Variants in DEPDC5 observed in about 807,000 individuals in gnomAD.
DEPDC5 encodes the protein DEP domain containing 5, GATOR1 subcomplex subunit, also known as GATOR1 complex protein DEPDC5.
DEPDC5 carries 73 observed loss-of-function variants against 217.3 expected under a neutral mutation model. The ratio of observed to expected loss-of-function variants is 0.34; its 90% CI spans 0.28 to 0.41. The LOEUF (loss-of-function observed/expected upper bound fraction) is 0.41, where lower values mean the gene tolerates loss of function less well. DEPDC5 is among the 10% of genes least tolerant of loss of function. The probability of loss-of-function intolerance (pLI) is 1.00; values close to 1 mark genes in which losing one functional copy is unlikely to be tolerated. For missense variants in DEPDC5, 1,675 were observed against 2,070.1 expected (o/e 0.81, Z 3.70); for synonymous variants, 733 against 756.7 (o/e 0.97, Z 0.51).
intron 24 of DEPDC5, among the ~76,000 whole-genome samples, chr22:31,825,103 A>T (rs866315279): frequency 6.6e-6 from 1 of 152,054 alleles, no homozygotes; most frequent in South Asian, 2.1e-4. Context: ...AGTTGCGCCG[A>T]GGAGGGCTAC....
At chr22:31,770,149 G>C (rs1244319370) in intron 7 of DEPDC5, among the ~76,000 whole-genome samples, 3 of 151,154 alleles carry the variant, frequency 2.0e-5, no homozygotes, top group African/African-American at 7.3e-5. Context: ...TGGGAGGATC[G>C]CCTGAGCCCT....
At position 31,839,489 on chromosome 22, in the gene DEPDC5, T is replaced by A. The variant is rs146153441; in HGVS notation, c.2515+644T>A. Among the ~76,000 whole-genome samples the A allele has an allele frequency of 9.4e-3, 1,426 of 151,016 alleles. 22 individuals carry two copies. Among genetic ancestry groups the A allele is most frequent in the African/African-American group, 0.034 (1,373 of 40,890 alleles). On this transcript the variant is annotated intron_variant, in intron 27 of 42. Transcript: ENST00000651528. The stretch of plus-strand genomic sequence containing the variant: ...TGGAACAATCAATGAGCTGTCTTAG[T>A]CTCCTGTCTCTTCATTATTGCTAAC...
At chr22:31,838,878 C>G (rs1049004930) in intron 27 of DEPDC5, 33 bp downstream of exon 27, 2 of 1,602,358 alleles carry the variant, frequency 1.2e-6, no homozygotes, top group African/African-American at 2.7e-5. Flanking sequence ...CTATTTTTTT[C>G]TCTTCTACTG....
At chr22:31,797,060 C>CTTTTT (rs113613358) in intron 12 of DEPDC5, among the ~76,000 whole-genome samples, 1 of 129,174 alleles carries the variant, frequency 7.7e-6, no homozygotes, top group Admixed American at 7.8e-5. Context: ...CTCACTGAAT[C>CTTTTT]TTTTTTTTTT....
In DEPDC5 at chr22:31,754,815, A is replaced by G. The variant is rs1040211113; in HGVS notation, c.-60-47A>G. On this transcript the variant is annotated intron_variant, in intron 1 of 42. Coordinates refer to ENST00000651528, the MANE Select transcript of DEPDC5 (RefSeq NM_001242896.3). ...GGCCTAAAATCAAAGAGTGGTTGCAAGGAAAAATCTGACATTCCAACCTTT... is the reference window on the plus strand; with the variant it reads ...GGCCTAAAATCAAAGAGTGGTTGCAGGGAAAAATCTGACATTCCAACCTTT... 18 of 1,328,382 alleles carry G rather than the reference A, an allele frequency of 1.4e-5. No individual in the cohort carries two copies. The Admixed American group carries it at 3.3e-4, about 25-fold the overall frequency. 82.3% of individuals were successfully genotyped at this position (1,328,382 alleles called of 1,614,324 possible).
chr22:31,897,393 C>T (rs574571256), intron 39 of DEPDC5, 89 bp from the exon 40 acceptor site: 16 of 1,497,674 alleles, frequency 1.1e-5, no homozygotes, highest in South Asian at 2.6e-5. Context: ...TGCATGCTGC[C>T]TTTCTGGCGG....
chr22:31,794,358 T>A (rs1007355261), intron 12 of DEPDC5, among the ~76,000 whole-genome samples: 108 of 152,296 alleles, frequency 7.1e-4, no homozygotes, highest in African/African-American at 2.6e-3. Context: ...TATGCAGTTT[T>A]ATCTGTATAA....
intron 18 of DEPDC5, among the ~76,000 whole-genome samples, chr22:31,808,503 C>T (rs142890574): frequency 8.3e-4 from 126 of 152,058 alleles, no homozygotes; most frequent in Non-Finnish European, 1.3e-3. Context: ...GGCACAATCT[C>T]GGCTCACTGC....
Position 31,806,126 on chromosome 22 carries a change from T to C in DEPDC5, c.1222T>C (p.Tyr408His), listed in dbSNP as rs768204319. ...CTCTGTTTGTTTCTTTTACAGTTTC[T>C]ACACATCCAAAAGCCAGCTCTTTTG... ...NIPHWINHSF[Y>H]TSKSQLFCNS... The change falls in exon 18 of 43, where the codon TAC becomes CAC. Residue 408 changes from tyrosine (Y) to histidine (H), a missense_variant. Coordinates refer to ENST00000651528, the MANE Select transcript of DEPDC5 (RefSeq NM_001242896.3). The C allele has an allele frequency of 1.2e-6, 2 of 1,613,330 alleles. No homozygotes were observed. Among genetic ancestry groups the C allele is most frequent in the Non-Finnish European group, 1.7e-6 (2 of 1,179,508 alleles).
In DEPDC5 at chr22:31,777,995, G is replaced by A. The variant is rs573623310; in HGVS notation, c.414-104G>A. Reference sequence around the variant, plus strand: ...AGTCCTGACCTCAGGTAATTCGCCCGCCTTGGCTTCCCAAAGTGCTGGGAT... The same window carrying A: ...AGTCCTGACCTCAGGTAATTCGCCCACCTTGGCTTCCCAAAGTGCTGGGAT... On this transcript the variant is annotated intron_variant, in intron 7 of 42. Coordinates refer to ENST00000651528, the MANE Select transcript of DEPDC5 (RefSeq NM_001242896.3). The A allele has an allele frequency of 2.7e-5, 34 of 1,281,244 alleles. No homozygotes were observed. In the East Asian group the frequency reaches 5.5e-4, roughly 21 times the overall value. 79.4% of individuals were successfully genotyped at this position (1,281,244 alleles called of 1,614,324 possible).
At chr22:31,777,566 C>T (rs2084003760) in intron 7 of DEPDC5, among the ~76,000 whole-genome samples, 1 of 150,556 alleles carries the variant, frequency 6.6e-6, no homozygotes, top group Non-Finnish European at 1.5e-5. Context: ...GGCCAAGAAG[C>T]CCTTCTTTAG....
chr22:31,814,913 T>A, intron 20 of DEPDC5, 79 bp from the exon 21 acceptor site: 1 of 1,517,984 alleles, frequency 6.6e-7, no homozygotes, highest in Non-Finnish European at 9.1e-7. Flanking sequence ...TGGCTTGGGC[T>A]GGTGATGGGT....
chr22:31,905,198 T>C (rs1437625755), intron 41 of DEPDC5, among the ~76,000 whole-genome samples: 1 of 151,982 alleles, frequency 6.6e-6, no homozygotes, highest in African/African-American at 2.4e-5. Context: ...TTTTTTTCTT[T>C]TTGAGATGGA....
At chr22:31,889,416 T>C (rs1055242941) in intron 38 of DEPDC5, among the ~76,000 whole-genome samples, 1 of 152,208 alleles carries the variant, frequency 6.6e-6, no homozygotes, top group East Asian at 1.9e-4. Flanking sequence ...GAACTTAACA[T>C]GCCAGATGGG....
At chr22:31,805,658 G>A (rs9609372) in intron 17 of DEPDC5, among the ~76,000 whole-genome samples, 5 of 151,956 alleles carry the variant, frequency 3.3e-5, no homozygotes, top group Non-Finnish European at 2.9e-5. Context: ...CTGCCGCCAC[G>A]CCCGGCTAAT....
intron 38 of DEPDC5, chr22:31,891,097 C>G (rs2093429459): frequency 5.4e-6 from 2 of 372,542 alleles, no homozygotes; most frequent in South Asian, 5.4e-5. Context: ...CAGAACAACA[C>G]AATCTAGGTC....
chr22:31,876,039 G>T (rs1207176033), intron 36 of DEPDC5, 118 bp from the exon 37 acceptor site: 4 of 715,832 alleles, frequency 5.6e-6, no homozygotes, highest in South Asian at 5.5e-5. Context: ...TAATCTGGGG[G>T]TGGAGGGTAG....
intron 24 of DEPDC5, chr22:31,823,180 T>C (rs890574099): frequency 5.0e-6 from 1 of 200,388 alleles, no homozygotes; most frequent in African/African-American, 2.3e-5. Context: ...GGGAGAAGTA[T>C]GTGTCCAGTT....
rs1206877205 is a variant in DEPDC5 at position 31,810,655 on chromosome 22, T to C, written c.1445+14T>C. The C allele has an allele frequency of 1.9e-6, 3 of 1,614,150 alleles. No homozygotes were observed. In the South Asian group the frequency reaches 3.3e-5, roughly 18 times the overall value. ...CACCACCTGCAGGTTTTCTGCCAGA[T>C]TCACTTGGGGGTGCATATAAAAATT... On this transcript the variant is annotated intron_variant, in intron 20 of 42. Transcript: ENST00000651528.
Sources: gnomAD v4.1 joint callset for allele counts (sites outside exome capture counted in the v4.1 genomes callset) on GRCh38, gnomAD v4.1.1 for gene constraint, MANE v1.5 for transcripts, NCBI Gene and HGNC (gene_info 2026-07-23, HGNC 2026-07-21) for gene names.